The following MYRIP variants were observed in gnomAD, a reference collection of about 807,000 sequenced individuals.
MYRIP encodes the protein rab effector MyRIP.
In MYRIP, 49 loss-of-function variants were observed where a neutral mutation model predicts 98.0. That is an observed-to-expected ratio of 0.50 (90% confidence interval 0.40 to 0.63). MYRIP has a LOEUF of 0.63. MYRIP is among the 30% of genes least tolerant of loss of function. The pLI is 0.00. For missense variants in MYRIP, 1,004 were observed against 1,058.2 expected (o/e 0.95, Z 0.71); for synonymous variants, 404 against 409.5 (o/e 0.99, Z 0.16).
At chr3:40,017,869 G>A (rs1241526443) in intron 2 of MYRIP, among the ~76,000 whole-genome samples, 1 of 151,904 alleles carries the variant, frequency 6.6e-6, no homozygotes, top group Non-Finnish European at 1.5e-5. Flanking sequence ...TAATGTGAAG[G>A]CTTTCCCTCT....
intron 2 of MYRIP, among the ~76,000 whole-genome samples, chr3:40,009,791 T>C (rs1345524129): frequency 6.6e-6 from 1 of 152,218 alleles, no homozygotes; most frequent in East Asian, 1.9e-4. Context: ...ATCCCGTGAC[T>C]GTGATGTATA....
chr3:40,097,972 C>G (rs1948864015), intron 3 of MYRIP, among the ~76,000 whole-genome samples: 1 of 152,186 alleles, frequency 6.6e-6, no homozygotes, highest in African/African-American at 2.4e-5. Flanking sequence ...CTGCTCTTCT[C>G]TGTCAAAGCA....
At chr3:40,069,664 T>C (rs903521106) in intron 3 of MYRIP, among the ~76,000 whole-genome samples, 4 of 152,188 alleles carry the variant, frequency 2.6e-5, no homozygotes, top group African/African-American at 9.7e-5. Flanking sequence ...AGGTACCTCA[T>C]ATAGGTGGAA....
chr3:39,971,670 G>T (rs1216071209), intron 2 of MYRIP, among the ~76,000 whole-genome samples: 1 of 152,012 alleles, frequency 6.6e-6, no homozygotes, highest in African/African-American at 2.4e-5. Flanking sequence ...GGACTCCTTA[G>T]AGATCACCAA....
At chr3:39,895,663 A>G (rs1943589773) in intron 1 of MYRIP, among the ~76,000 whole-genome samples, 1 of 152,180 alleles carries the variant, frequency 6.6e-6, no homozygotes, top group Admixed American at 6.6e-5. Flanking sequence ...TCCCAAATCA[A>G]TTGACAAATT....
At chr3:40,212,796 A>C (rs9876314) in intron 11 of MYRIP, among the ~76,000 whole-genome samples, 125,586 of 151,942 alleles carry the variant, frequency 0.83, 53,141 homozygotes, top group Non-Finnish European at 0.91. Flanking sequence ...CATGGTGGTT[A>C]ATGTCTGTGG....
intron 11 of MYRIP, among the ~76,000 whole-genome samples, chr3:40,215,203 A>G (rs1299922976): frequency 6.6e-6 from 1 of 152,184 alleles, no homozygotes; most frequent in African/African-American, 2.4e-5. Context: ...TATCACAAGT[A>G]GCTGAGCCAT....
chr3:40,168,736 G>T (rs1217420778), intron 7 of MYRIP, among the ~76,000 whole-genome samples: 1 of 152,168 alleles, frequency 6.6e-6, no homozygotes, highest in Admixed American at 6.5e-5. Context: ...GCTTGTTAAG[G>T]CCAAGGCTTA....
At chr3:39,999,791 G>A (rs1269426234) in intron 2 of MYRIP, among the ~76,000 whole-genome samples, 3 of 152,100 alleles carry the variant, frequency 2.0e-5, no homozygotes, top group Non-Finnish European at 2.9e-5. Context: ...GTCCAACAAT[G>A]ATAGACTGGA....
chr3:40,096,812 TTTC>T (rs1211335931), intron 3 of MYRIP, among the ~76,000 whole-genome samples: 1 of 152,188 alleles, frequency 6.6e-6, no homozygotes, highest in East Asian at 1.9e-4. Context: ...TAATGAAAAC[TTTC>T]TTCACCAGGC....
rs373186402 is a variant in MYRIP, at chr3:40,020,692, G to A, written c.111-23358G>A. On this transcript the variant is annotated intron_variant, in intron 2 of 16. Transcript: ENST00000302541. ...TATGCACCCAGGAAGAACTGTACGT[G>A]TAGCAAATGGCAGACTTTATATGTA... 1.4e-3 allele frequency among the ~76,000 whole-genome samples: 206 copies of A among 152,320 alleles called. 3 individuals are homozygous for A. The South Asian group carries it at 0.041, about 30-fold the overall frequency.
chr3:40,205,490 G>A (rs1036419619), intron 10 of MYRIP, among the ~76,000 whole-genome samples: 4 of 152,106 alleles, frequency 2.6e-5, no homozygotes, highest in East Asian at 1.9e-4. Context: ...CCCATTACAC[G>A]TACAAATATC....
At chr3:39,872,632 C>A (rs1157190967) in intron 1 of MYRIP, among the ~76,000 whole-genome samples, 1 of 151,860 alleles carries the variant, frequency 6.6e-6, no homozygotes, top group African/African-American at 2.4e-5. Context: ...ATGATGATTT[C>A]CAATTTCATC....
chr3:40,009,438 G>A (rs1359985121), intron 2 of MYRIP, among the ~76,000 whole-genome samples: 2 of 152,038 alleles, frequency 1.3e-5, no homozygotes, highest in Non-Finnish European at 1.5e-5. Flanking sequence ...GGGTTTCACT[G>A]TGTTAGCCAG....
chr3:39,819,170 G>A (rs1941025197), intron 1 of MYRIP, among the ~76,000 whole-genome samples: 1 of 152,144 alleles, frequency 6.6e-6, no homozygotes, highest in African/African-American at 2.4e-5. Context: ...CCAACATGGT[G>A]AAACCTCGTT....
At chr3:39,873,183 T>C (rs1395862574) in intron 1 of MYRIP, among the ~76,000 whole-genome samples, 1 of 152,228 alleles carries the variant, frequency 6.6e-6, no homozygotes, top group Admixed American at 6.5e-5. Context: ...TTTGATGGGG[T>C]TGTTTGTTTT....
intron 2 of MYRIP, among the ~76,000 whole-genome samples, chr3:39,920,008 A>G (rs1478373089): frequency 6.6e-6 from 1 of 152,168 alleles, no homozygotes; most frequent in Admixed American, 6.5e-5. Context: ...CATACAAGGA[A>G]GATGATGGGG....
At chr3:40,061,715 T>C (rs1157838949) in intron 3 of MYRIP, among the ~76,000 whole-genome samples, 2 of 152,224 alleles carry the variant, frequency 1.3e-5, no homozygotes, top group Non-Finnish European at 2.9e-5. Context: ...TGTATAAGTG[T>C]TCCCATTTCT....
intron 3 of MYRIP, among the ~76,000 whole-genome samples, chr3:40,149,609 G>C (rs1950076240): frequency 6.6e-6 from 1 of 152,084 alleles, no homozygotes; most frequent in Non-Finnish European, 1.5e-5. Context: ...TGTAGGGATG[G>C]GGGACCAAGA....
Sources: allele counts gnomAD v4.1 joint callset (sites outside exome capture counted in the v4.1 genomes callset), GRCh38; gene constraint gnomAD v4.1.1; transcripts MANE v1.5; gene names NCBI Gene and HGNC (gene_info 2026-07-23, HGNC 2026-07-21).